STPG2: variants seen among roughly 807,000 people sequenced by gnomAD.
STPG2 encodes the protein sperm tail PG-rich repeat containing 2, also known as sperm-tail PG-rich repeat-containing protein 2.
A neutral mutation model predicts 54.2 loss-of-function variants in STPG2; 56 were observed. The ratio of observed to expected loss-of-function variants is 1.03; its 90% CI spans 0.83 to 1.29. STPG2 has a LOEUF of 1.29. Among genes scored for constraint, STPG2 ranks in the 50% most tolerant of loss-of-function variants. The pLI is 0.00. For missense variants in STPG2, 596 were observed against 544.9 expected (o/e 1.09, Z -0.93); for synonymous variants, 200 against 181.8 (o/e 1.10, Z -0.81).
chr4:97,848,738 ACCATTTATTAAATAGGGAAT>A (rs1160663312), intron 8 of STPG2, among the ~76,000 whole-genome samples: 1 of 151,746 alleles, frequency 6.6e-6, no homozygotes, highest in East Asian at 1.9e-4. Flanking sequence ...TTTTCCCAGC[ACCATTTATTAAATAGGGAAT>A]CCTTTCCCCA....
chr4:98,087,512 C>T (rs934856570), intron 5 of STPG2, among the ~76,000 whole-genome samples: 1 of 151,888 alleles, frequency 6.6e-6, no homozygotes, highest in African/African-American at 2.4e-5. Context: ...CTTTAAAATT[C>T]AGATCAATAT....
At chr4:97,687,192 C>T (rs1723221578) in intron 10 of STPG2, among the ~76,000 whole-genome samples, 1 of 151,992 alleles carries the variant, frequency 6.6e-6, no homozygotes, top group Admixed American at 6.6e-5. Flanking sequence ...CCTCGTGATC[C>T]ACCCGCCTCG....
At chr4:97,585,437 CACA>C (rs931523401) in intron 10 of STPG2, among the ~76,000 whole-genome samples, 7 of 151,882 alleles carry the variant, frequency 4.6e-5, no homozygotes, top group African/African-American at 9.7e-5. Flanking sequence ...AAAATCTAAC[CACA>C]ACAAGAAGCC....
intron 9 of STPG2, among the ~76,000 whole-genome samples, chr4:97,796,571 G>A (rs1727188673): frequency 6.6e-6 from 1 of 152,128 alleles, no homozygotes; most frequent in Admixed American, 6.5e-5. Flanking sequence ...TCTCTGTTTT[G>A]GTACTAGTAC....
intron 9 of STPG2, among the ~76,000 whole-genome samples, chr4:97,732,193 A>G (rs369693250): frequency 6.6e-6 from 1 of 152,156 alleles, no homozygotes; most frequent in Non-Finnish European, 1.5e-5. Flanking sequence ...CCCATTCACA[A>G]AATCTTCTGG....
intron 10 of STPG2, among the ~76,000 whole-genome samples, chr4:97,574,184 T>G (rs1183905675): frequency 6.6e-6 from 1 of 152,052 alleles, no homozygotes; most frequent in Non-Finnish European, 1.5e-5. Context: ...AAATAATAAT[T>G]ATGTGTTTAA....
chr4:97,921,687 C>T (rs1732114787), intron 8 of STPG2, among the ~76,000 whole-genome samples: 1 of 151,786 alleles, frequency 6.6e-6, no homozygotes. Context: ...CCAGAAGGAG[C>T]AGAGAGAAAA....
At chr4:97,954,592 A>C (rs1392833109) in intron 7 of STPG2, among the ~76,000 whole-genome samples, 1 of 152,234 alleles carries the variant, frequency 6.6e-6, no homozygotes, top group East Asian at 1.9e-4. Flanking sequence ...CCTCAAAAAC[A>C]TCAGGCTCAT....
intron 10 of STPG2, among the ~76,000 whole-genome samples, chr4:97,559,822 G>C (rs1255408776): frequency 6.6e-6 from 1 of 152,060 alleles, no homozygotes; most frequent in African/African-American, 2.4e-5. Context: ...TTGACAAAAA[G>C]ATCAAAATAT....
At chr4:97,970,537 C>A (rs1034209092) in intron 7 of STPG2, among the ~76,000 whole-genome samples, 1 of 152,066 alleles carries the variant, frequency 6.6e-6, no homozygotes, top group African/African-American at 2.4e-5. Flanking sequence ...TTTGACAAAC[C>A]TGAGAAAAAC....
intron 10 of STPG2, among the ~76,000 whole-genome samples, chr4:97,644,751 C>T (rs376322185): frequency 2.0e-5 from 3 of 152,140 alleles, no homozygotes; most frequent in South Asian, 2.1e-4. Flanking sequence ...ACCAAAGTGA[C>T]TTACCAGAGC....
chr4:97,963,486 C>G (rs1478715648), intron 7 of STPG2, among the ~76,000 whole-genome samples: 1 of 151,930 alleles, frequency 6.6e-6, no homozygotes, highest in Non-Finnish European at 1.5e-5. Flanking sequence ...GACCTTGTCT[C>G]TATGAAAAAT....
Position 97,948,603 on chromosome 4 carries a change from A to G in STPG2, c.934-4596T>C, listed in dbSNP as rs548767327. ...CATTTGCTGTATCCCAGAAGTTTTG[A>G]TGACTCATGTCACTATTATTCATTT... On this transcript the variant is annotated intron_variant, in intron 7 of 10. Coordinates refer to ENST00000295268, the MANE Select transcript of STPG2 (RefSeq NM_174952.3). Among the ~76,000 whole-genome samples, 6 of 152,098 alleles carry G rather than the reference A, an allele frequency of 3.9e-5. No homozygotes were observed. In the East Asian group the frequency reaches 1.2e-3, roughly 29 times the overall value.
chr4:98,036,942 A>G (rs1013483217), intron 5 of STPG2, among the ~76,000 whole-genome samples: 3 of 152,140 alleles, frequency 2.0e-5, no homozygotes, highest in Non-Finnish European at 4.4e-5. Context: ...TTTTCAAGTT[A>G]GCGAAAATTG....
intron 9 of STPG2, among the ~76,000 whole-genome samples, chr4:97,738,875 A>G (rs1469512946): frequency 4.6e-5 from 7 of 152,220 alleles, no homozygotes; most frequent in East Asian, 1.9e-4. Context: ...ATAGACATCT[A>G]CAGAACTCTC....
intron 7 of STPG2, among the ~76,000 whole-genome samples, chr4:97,966,274 A>C (rs1734094669): frequency 6.6e-6 from 1 of 152,246 alleles, no homozygotes; most frequent in African/African-American, 2.4e-5. Flanking sequence ...AAAGGGTATC[A>C]GTGGTTGAAG....
intron 6 of STPG2, 121 bp downstream of exon 6, chr4:97,981,038 T>G: frequency 1.9e-6 from 2 of 1,050,154 alleles, no homozygotes; most frequent in Non-Finnish European, 2.7e-6. Context: ...AAATGTTGAC[T>G]TAAAATGACA....
intron 9 of STPG2, 74 bp from the exon 10 acceptor site, chr4:97,712,888 G>C (rs1243154017): frequency 2.1e-6 from 2 of 971,208 alleles, no homozygotes; most frequent in African/African-American, 1.7e-5. Context: ...ATGAATATTA[G>C]GTTTGTGCTC....
chr4:97,525,151 T>G (rs1158191866), intron 4 of STPG2, among the ~76,000 whole-genome samples: 2 of 151,964 alleles, frequency 1.3e-5, no homozygotes, highest in Non-Finnish European at 2.9e-5. Context: ...TGTGATATGC[T>G]TTCAAAAGCA....
Sources: allele counts gnomAD v4.1 joint callset (sites outside exome capture counted in the v4.1 genomes callset), GRCh38; gene constraint gnomAD v4.1.1; transcripts MANE v1.5; gene names NCBI Gene and HGNC (gene_info 2026-07-23, HGNC 2026-07-21).